NEK10: variants seen among roughly 807,000 people sequenced by gnomAD.
The protein encoded by NEK10 is NIMA related kinase 10, also known as serine/threonine-protein kinase Nek10.
NEK10 carries 122 observed loss-of-function variants against 159.8 expected under a neutral mutation model. The ratio of observed to expected loss-of-function variants is 0.76; its 90% CI spans 0.66 to 0.89. The LOEUF (loss-of-function observed/expected upper bound fraction) is 0.89. Ranked by LOEUF, NEK10 falls within the 40% of genes least tolerant of loss-of-function variation. The pLI is 0.00. For missense variants in NEK10, 1,342 were observed against 1,323.1 expected, an observed-to-expected ratio of 1.01 and a Z score of -0.22; for synonymous variants, 466 against 457.1, an observed-to-expected ratio of 1.02 and a Z score of -0.25.
chr3:27,167,615 A>C (rs746530614), intron 29 of NEK10, among the ~76,000 whole-genome samples: 1 of 152,188 alleles, frequency 6.6e-6, no homozygotes, highest in Non-Finnish European at 1.5e-5. Context: ...CAGCCTATGA[A>C]ACTCGCATAA....
intron 23 of NEK10, among the ~76,000 whole-genome samples, chr3:27,214,332 G>A (rs1457639724): frequency 6.6e-6 from 1 of 152,166 alleles, no homozygotes; most frequent in African/African-American, 2.4e-5. Context: ...ATGTGGCTCA[G>A]AACAAATCTC....
chr3:27,271,404 T>C (rs1203467633), intron 22 of NEK10, among the ~76,000 whole-genome samples: 1 of 152,154 alleles, frequency 6.6e-6, no homozygotes, highest in Admixed American at 6.5e-5. Context: ...ACAACTTCAA[T>C]ATTTTTAGGG....
chr3:27,203,008 G>A (rs1448380183), intron 23 of NEK10, among the ~76,000 whole-genome samples: 1 of 152,178 alleles, frequency 6.6e-6, no homozygotes, highest in Admixed American at 6.5e-5. Flanking sequence ...ACAATAACCT[G>A]ATTAGAGCCT....
At chr3:27,320,759 T>A (rs546144222) in intron 6 of NEK10, among the ~76,000 whole-genome samples, 7 of 152,334 alleles carry the variant, frequency 4.6e-5, no homozygotes, top group African/African-American at 1.7e-4. Context: ...GAGGCCAGTT[T>A]AGAATACAGT....
In NEK10 at chr3:27,307,865, G is replaced by A; in HGVS notation, c.797C>T (p.Ser266Phe). The A allele has an allele frequency of 1.3e-6, 2 of 1,499,624 alleles. No homozygotes were observed. The highest frequency in any genetic ancestry group is 1.9e-6 in the Non-Finnish European group (2 of 1,077,076). 92.9% of individuals were successfully genotyped at this position (1,499,624 alleles called of 1,614,324 possible). A position where few individuals can be genotyped will look rare whatever the true frequency, so the allele number is the denominator to read the frequency against. Residue 266 changes from serine to phenylalanine, a missense_variant, in exon 11 of 36, where the codon TCT (serine) becomes TTT (phenylalanine). Coordinates refer to ENST00000691995, the MANE Select transcript of NEK10 (RefSeq NM_001394966.1). ...LMILHEYDLL[S>F]KRLTAELLRL... is the part of the protein sequence containing the mutation. ...CTACTGTTAGCAATCCTACCTTTTA[G>A]AAAGCAAGTCATATTCATGTAAAAT... is the stretch of plus-strand genomic sequence containing the variant.
chr3:27,243,324 G>A (rs1019505351), intron 23 of NEK10, among the ~76,000 whole-genome samples: 2 of 152,070 alleles, frequency 1.3e-5, no homozygotes, highest in Non-Finnish European at 2.9e-5. Flanking sequence ...GACTGGTAAG[G>A]TCACTTGGAG....
At chr3:27,180,838 G>A (rs562372301) in intron 26 of NEK10, among the ~76,000 whole-genome samples, 2 of 152,208 alleles carry the variant, frequency 1.3e-5, no homozygotes, top group South Asian at 4.1e-4. Flanking sequence ...TTGGCTCTCA[G>A]TGGTTTATTC....
intron 22 of NEK10, among the ~76,000 whole-genome samples, chr3:27,262,682 T>C (rs1383885490): frequency 6.6e-6 from 1 of 152,244 alleles, no homozygotes; most frequent in African/African-American, 2.4e-5. Context: ...TTCAGCTCCA[T>C]CATGTCCTTT....
At chr3:27,156,567 A>G (rs1036798180) in intron 30 of NEK10, among the ~76,000 whole-genome samples, 1 of 152,140 alleles carries the variant, frequency 6.6e-6, no homozygotes, top group Non-Finnish European at 1.5e-5. Flanking sequence ...AGCATCACTA[A>G]TGAGCAGGGA....
At chr3:27,269,121 C>T (rs150957091) in intron 22 of NEK10, among the ~76,000 whole-genome samples, 217 of 152,264 alleles carry the variant, frequency 1.4e-3, no homozygotes, top group African/African-American at 5.1e-3. Flanking sequence ...AGAGTTGCTT[C>T]TTCTGGATGA....
At chr3:27,208,785 G>C (rs1950750407) in intron 23 of NEK10, among the ~76,000 whole-genome samples, 1 of 152,092 alleles carries the variant, frequency 6.6e-6, no homozygotes, top group Non-Finnish European at 1.5e-5. Context: ...ATATTCAATG[G>C]GCAACATCAT....
At position 27,348,762 on chromosome 3, in the gene NEK10, C is replaced by T. The variant is rs117332481; in HGVS notation, c.133-2546G>A. On this transcript the variant is annotated intron_variant, in intron 3 of 35. Transcript: ENST00000691995. ...TATAATGTATAGCTTACGCAACATC[C>T]TTTCCCCTTGAATTTGGCCACCCTG... 3.7e-3 allele frequency among the ~76,000 whole-genome samples: 568 copies of T among 152,292 alleles called. 7 individuals are homozygous for T. The highest frequency in any genetic ancestry group is 0.028 in the East Asian group (147 of 5,184).
intron 1 of NEK10, among the ~76,000 whole-genome samples, chr3:27,363,392 T>C (rs768186592): frequency 2.6e-4 from 40 of 152,208 alleles, no homozygotes; most frequent in Admixed American, 2.6e-3. Context: ...TCCCAGTATC[T>C]AGCACATACT....
At chr3:27,242,049 A>G (rs1954612430) in intron 23 of NEK10, among the ~76,000 whole-genome samples, 1 of 152,208 alleles carries the variant, frequency 6.6e-6, no homozygotes, top group Non-Finnish European at 1.5e-5. Context: ...TTGAATCAAG[A>G]AAACACTTCT....
chr3:27,195,757 T>C (rs1451139165), intron 25 of NEK10, among the ~76,000 whole-genome samples: 1 of 152,224 alleles, frequency 6.6e-6, no homozygotes, highest in Non-Finnish European at 1.5e-5. Flanking sequence ...TTTTCGCCAA[T>C]TCCCAGAGTA....
chr3:27,226,922 G>T (rs1218484760), intron 23 of NEK10, among the ~76,000 whole-genome samples: 1 of 151,930 alleles, frequency 6.6e-6, no homozygotes, highest in African/African-American at 2.4e-5. Flanking sequence ...ACTAACCAAG[G>T]ATTTTTAATT....
Position 27,228,496 on chromosome 3 carries a change from G to A in NEK10, c.2091-25939C>T, listed in dbSNP as rs112312125. Among the ~76,000 whole-genome samples, 505 of 152,028 alleles carry A rather than the reference G, an allele frequency of 3.3e-3. 3 individuals are homozygous for A. Among genetic ancestry groups the A allele is most frequent in the African/African-American group, 0.012 (478 of 41,464 alleles). Reference sequence around the variant, plus strand: ...TTTTAAGGAGAAAATGTGGCAATTAGCACATTCTGCTTATTTCTACCATGG... The same window carrying A: ...TTTTAAGGAGAAAATGTGGCAATTAACACATTCTGCTTATTTCTACCATGG... On this transcript the variant is annotated intron_variant, in intron 23 of 35. Transcript: ENST00000691995.
Position 27,108,619 on chromosome 3 carries a change from C to T in NEK10, c.*2653G>A, listed in dbSNP as rs6551174. On this transcript the variant is annotated 3_prime_UTR_variant, in exon 36 of 36. Coordinates refer to ENST00000691995, the MANE Select transcript of NEK10 (RefSeq NM_001394966.1). ...GTGCATTCATAGGAATTTCATTGCA[C>T]AACAAATCATTAAAAATTATACAAG... is the stretch of plus-strand genomic sequence containing the variant. 0.18 allele frequency among the ~76,000 whole-genome samples: 28,016 copies of T among 151,768 alleles called. 2,688 individuals are homozygous for T. The highest frequency in any genetic ancestry group is 0.23 in the African/African-American group (9,341 of 41,384).
chr3:27,286,893 G>A (rs1413524078), intron 20 of NEK10, among the ~76,000 whole-genome samples: 1 of 151,982 alleles, frequency 6.6e-6, no homozygotes, highest in Non-Finnish European at 1.5e-5. Context: ...TTTTAGCACT[G>A]AGTTTTTCTG....
Sources: allele counts gnomAD v4.1 joint callset (sites outside exome capture counted in the v4.1 genomes callset), GRCh38; gene constraint gnomAD v4.1.1; transcripts MANE v1.5; gene names NCBI Gene and HGNC (gene_info 2026-07-23, HGNC 2026-07-21).